RBFOX1: variants seen among roughly 807,000 people sequenced by gnomAD.
The protein encoded by RBFOX1 is RNA binding protein fox-1 homolog 1.
In RBFOX1, 8 loss-of-function variants were observed where a neutral mutation model predicts 57.7. The observed-to-expected ratio is 0.14, with a 90% CI of 0.08 to 0.25. RBFOX1 has a LOEUF of 0.25. Among genes scored for constraint, RBFOX1 ranks in the 10% least tolerant of loss-of-function variants. The pLI, the probability that RBFOX1 is intolerant of heterozygous loss-of-function variation, is 1.00. For missense variants in RBFOX1, 611 were observed against 548.5 expected, an observed-to-expected ratio of 1.11 and a Z score of -1.14; for synonymous variants, 326 against 222.4, an observed-to-expected ratio of 1.47 and a Z score of -4.15.
intron 1 of RBFOX1, among the ~76,000 whole-genome samples, chr16:6,146,612 T>G (rs2096760156): frequency 6.6e-6 from 1 of 152,120 alleles, no homozygotes. Context: ...TTTTCACAAG[T>G]GTAAAATATA....
chr16:7,174,229 G>A (rs1487119317), intron 4 of RBFOX1, among the ~76,000 whole-genome samples: 1 of 151,956 alleles, frequency 6.6e-6, no homozygotes, highest in East Asian at 1.9e-4. Context: ...GTTCATCCAT[G>A]TGGATGCATG....
chr16:5,599,275 G>A (rs1190942585), exon 3 of RBFOX1: 25 of 649,324 alleles, frequency 3.9e-5, no homozygotes, highest in South Asian at 7.1e-5. Context: ...GTCCCTCTGC[G>A]CCCTGGTGTG....
chr16:6,559,304 A>G (rs562000193), intron 2 of RBFOX1, among the ~76,000 whole-genome samples: 19 of 152,060 alleles, frequency 1.2e-4, no homozygotes, highest in African/African-American at 2.4e-4. Context: ...CTCTCAGTCT[A>G]TTTCTCTCAC....
intron 3 of RBFOX1, among the ~76,000 whole-genome samples, chr16:5,663,302 C>G (rs1419875750): frequency 6.6e-6 from 1 of 152,062 alleles, no homozygotes; most frequent in African/African-American, 2.4e-5. Flanking sequence ...CTTCAACCTC[C>G]TGGGTTCAAG....
intron 4 of RBFOX1, among the ~76,000 whole-genome samples, chr16:5,932,029 C>A (rs1285937029): frequency 6.6e-6 from 1 of 152,092 alleles, no homozygotes; most frequent in Non-Finnish European, 1.5e-5. Flanking sequence ...GTTTCGGACT[C>A]TTGGACTCAA....
chr16:7,063,620 T>C (rs1400979459), intron 4 of RBFOX1, among the ~76,000 whole-genome samples: 1 of 152,208 alleles, frequency 6.6e-6, no homozygotes, highest in Non-Finnish European at 1.5e-5. Context: ...GTCTCAGCCT[T>C]ATCCTAGGAA....
chr16:5,493,242 T>A (rs1303813850), intron 2 of RBFOX1, among the ~76,000 whole-genome samples: 1 of 152,220 alleles, frequency 6.6e-6, no homozygotes, highest in Admixed American at 6.5e-5. Context: ...TGTTATTATT[T>A]CTTACATTTT....
chr16:7,012,793 A>T (rs1427705439), intron 3 of RBFOX1, among the ~76,000 whole-genome samples: 1 of 152,184 alleles, frequency 6.6e-6, no homozygotes, highest in Non-Finnish European at 1.5e-5. Context: ...CCATTTTAAC[A>T]AACTGATATC....
At chr16:5,261,036 G>A (rs1284108926) in intron 1 of RBFOX1, 1 of 152,188 alleles carries the variant, frequency 6.6e-6, no homozygotes, top group African/African-American at 2.4e-5. Flanking sequence ...TAGTTACTTT[G>A]TCATTCATCA....
chr16:7,183,017 G>A (rs1271864256), intron 4 of RBFOX1, among the ~76,000 whole-genome samples: 1 of 152,160 alleles, frequency 6.6e-6, no homozygotes, highest in East Asian at 1.9e-4. Context: ...AACAATGCCT[G>A]ACACATAATG....
intron 2 of RBFOX1, among the ~76,000 whole-genome samples, chr16:6,447,573 G>A (rs1382017833): frequency 6.6e-6 from 1 of 152,162 alleles, no homozygotes; most frequent in Non-Finnish European, 1.5e-5. Flanking sequence ...TAGACCGTGT[G>A]CTAATTCTGT....
intron 1 of RBFOX1, among the ~76,000 whole-genome samples, chr16:6,158,185 C>G (rs1285775013): frequency 6.6e-6 from 1 of 152,192 alleles, no homozygotes; most frequent in African/African-American, 2.4e-5. Flanking sequence ...AGACACAATG[C>G]TGGTCTGAAG....
At chr16:7,398,724 G>C (rs2098184454) in intron 4 of RBFOX1, among the ~76,000 whole-genome samples, 1 of 152,216 alleles carries the variant, frequency 6.6e-6, no homozygotes, top group Non-Finnish European at 1.5e-5. Flanking sequence ...CATGTGCTGA[G>C]TCTGACTACA....
At position 7,687,967 on chromosome 16, in the gene RBFOX1, G is replaced by T. The variant is rs1017080200; in HGVS notation, c.995+11129G>T. 3.3e-5 allele frequency among the ~76,000 whole-genome samples: 5 copies of T among 152,124 alleles called. 1 individual carries two copies. The highest frequency in any genetic ancestry group is 6.8e-3 in the Middle Eastern group (2 of 294). ...TCAAAGATGCTCAAGTTAAATGACC[G>T]GGGTGTGGGCCTGGTCATTGGTATT... is the stretch of plus-strand genomic sequence containing the variant. On this transcript the variant is annotated intron_variant, in intron 14 of 15. Transcript: ENST00000550418.
At chr16:5,754,689 T>G (rs1401184084) in intron 3 of RBFOX1, among the ~76,000 whole-genome samples, 54 of 84,306 alleles carry the variant, frequency 6.4e-4, no homozygotes, top group Non-Finnish European at 1.2e-3. Flanking sequence ...AAGGATTAAG[T>G]GCTGTGCTTT....
At chr16:6,872,206 T>C (rs902124616) in intron 3 of RBFOX1, among the ~76,000 whole-genome samples, 2 of 152,190 alleles carry the variant, frequency 1.3e-5, no homozygotes, top group Admixed American at 1.3e-4. Flanking sequence ...GCTCAGCACC[T>C]AGCATGGAGA....
At chr16:6,730,218 G>T (rs2068187823) in intron 3 of RBFOX1, among the ~76,000 whole-genome samples, 1 of 152,096 alleles carries the variant, frequency 6.6e-6, no homozygotes, top group African/African-American at 2.4e-5. Context: ...CAAAGCCTGA[G>T]CAAATATATA....
At chr16:6,154,147 G>A (rs2096822595) in intron 1 of RBFOX1, among the ~76,000 whole-genome samples, 1 of 152,184 alleles carries the variant, frequency 6.6e-6, no homozygotes, top group Non-Finnish European at 1.5e-5. Flanking sequence ...CGCTTACTAA[G>A]CCTGTAACAT....
intron 4 of RBFOX1, among the ~76,000 whole-genome samples, chr16:5,901,942 G>A (rs935342744): frequency 1.3e-5 from 2 of 152,040 alleles, no homozygotes; most frequent in South Asian, 2.1e-4. Context: ...ACCTAGAAGC[G>A]ACTTATCCTA....
Sources: allele counts gnomAD v4.1 joint callset (sites outside exome capture counted in the v4.1 genomes callset), GRCh38; gene constraint gnomAD v4.1.1; transcripts MANE v1.5; gene names NCBI Gene and HGNC (gene_info 2026-07-23, HGNC 2026-07-21).